The following XRCC4 variants were observed in gnomAD, a reference collection of about 807,000 sequenced individuals.
XRCC4 encodes the protein X-ray repair cross complementing 4, also known as DNA repair protein XRCC4.
XRCC4 carries 28 observed loss-of-function variants against 39.1 expected under a neutral mutation model. That is an observed-to-expected ratio of 0.72 (90% CI 0.53 to 0.98). The LOEUF (loss-of-function observed/expected upper bound fraction) is 0.98, where lower values mean the gene tolerates loss of function less well. XRCC4 is among the 50% of genes least tolerant of loss of function. The pLI, the probability that XRCC4 is intolerant of heterozygous loss-of-function variation, is 0.00. For missense variants in XRCC4, 350 were observed against 376.4 expected, an observed-to-expected ratio of 0.93 and a Z score of 0.58; for synonymous variants, 123 against 126.4, an observed-to-expected ratio of 0.97 and a Z score of 0.18.
intron 7 of XRCC4, among the ~76,000 whole-genome samples, chr5:83,309,296 AAT>A (rs1225850304): frequency 0.095 from 6,823 of 72,038 alleles, 1,071 homozygotes; most frequent in East Asian, 0.15. Context: ...AAAAAAAAAA[AAT>A]ATATATATAT....
intron 7 of XRCC4, chr5:83,310,845 G>A (rs768780467): frequency 6.6e-6 from 3 of 456,578 alleles, no homozygotes; most frequent in South Asian, 3.1e-5. Context: ...CAAAATCAGA[G>A]AGAAAAGATG....
chr5:83,209,083 AGTGTGTGTGTGT>A (rs35019637), intron 6 of XRCC4, among the ~76,000 whole-genome samples: 8 of 143,686 alleles, frequency 5.6e-5, no homozygotes, highest in South Asian at 2.2e-4. Flanking sequence ...CTCCAAAGTG[AGTGTGTGTGTGT>A]GTGTGTGTGT....
chr5:83,244,206 C>T (rs1753016215), intron 6 of XRCC4, among the ~76,000 whole-genome samples: 1 of 146,214 alleles, frequency 6.8e-6, no homozygotes, highest in Non-Finnish European at 1.5e-5. Context: ...TTATGGGTCA[C>T]ATTTTCCTGT....
At chr5:83,268,836 A>T (rs913329044) in intron 7 of XRCC4, among the ~76,000 whole-genome samples, 4 of 152,212 alleles carry the variant, frequency 2.6e-5, no homozygotes, top group Non-Finnish European at 5.9e-5. Flanking sequence ...AGAGAATAAG[A>T]TATGAATTGA....
intron 5 of XRCC4, among the ~76,000 whole-genome samples, chr5:83,204,459 A>C (rs2112731812): frequency 6.6e-6 from 1 of 152,222 alleles, no homozygotes; most frequent in East Asian, 1.9e-4. Context: ...TGCAGAGATC[A>C]AATGAAATGC....
At chr5:83,102,238 AT>A (rs1027228547) in intron 1 of XRCC4, among the ~76,000 whole-genome samples, 5 of 152,086 alleles carry the variant, frequency 3.3e-5, no homozygotes, top group Admixed American at 1.3e-4. Context: ...ACTGTAGAGA[AT>A]TTTGTGGAGA....
At chr5:83,205,063 A>G (rs546001762) in intron 6 of XRCC4, 142 bp downstream of exon 6, 36 of 570,688 alleles carry the variant, frequency 6.3e-5, no homozygotes, top group Non-Finnish European at 8.9e-5. Context: ...TAAAAACTCA[A>G]ATTTTTAATG....
intron 3 of XRCC4, among the ~76,000 whole-genome samples, chr5:83,159,400 A>G (rs1320725359): frequency 6.6e-6 from 1 of 152,164 alleles, no homozygotes; most frequent in Non-Finnish European, 1.5e-5. Context: ...CGATTAAATG[A>G]TATCCATGAA....
In XRCC4 at chr5:83,253,545, A is replaced by AT. The variant is rs1753410059; in HGVS notation, c.746-4984dup. ...GTATTTGAGGGGGCTAGAGATGAGC[A>AT]TATCTGTATGGCGGGGCAAGGGGAA... is the stretch of plus-strand genomic sequence containing the variant. On this transcript the variant is annotated intron_variant, in intron 6 of 7. Transcript: ENST00000396027. 3.3e-5 allele frequency among the ~76,000 whole-genome samples: 5 copies of AT among 151,968 alleles called. No individual in the cohort carries two copies. The South Asian group carries it at 8.3e-4, about 25-fold the overall frequency.
intron 6 of XRCC4, among the ~76,000 whole-genome samples, chr5:83,247,954 A>G (rs1332891952): frequency 6.6e-6 from 1 of 152,138 alleles, no homozygotes; most frequent in East Asian, 1.9e-4. Context: ...CCACTTCTTT[A>G]TACTGCAGTA....
At chr5:83,139,984 T>A (rs923253863) in intron 3 of XRCC4, among the ~76,000 whole-genome samples, 4 of 152,226 alleles carry the variant, frequency 2.6e-5, no homozygotes, top group African/African-American at 9.6e-5. Context: ...GAGTTTACTC[T>A]AGCCTTTCCT....
At position 83,195,830 on chromosome 5, in the gene XRCC4, C is replaced by G; in HGVS notation, c.376C>G (p.Leu126Val). 1 of 1,611,746 alleles carries G rather than the reference C, an allele frequency of 6.2e-7. No homozygotes were observed. The highest frequency in any genetic ancestry group is 8.5e-7 in the Non-Finnish European group (1 of 1,178,600). The stretch of plus-strand genomic sequence containing the variant: ...AAACCCAGCTGAAGTCATTAGAGAA[C>G]TTATTTGTTATTGCTTGGACACCAT... ...VENPAEVIRE[L>V]ICYCLDTIAE... Residue 126 changes from leucine (L) to valine (V), a missense_variant, in exon 4 of 8, where the codon CTT (leucine) becomes GTT (valine). Physicochemically the swap from Leu to Val is conservative, Grantham distance 32. Transcript: ENST00000396027.
intron 7 of XRCC4, among the ~76,000 whole-genome samples, chr5:83,294,041 T>A (rs535818651): frequency 6.6e-6 from 1 of 151,976 alleles, no homozygotes; most frequent in Non-Finnish European, 1.5e-5. Context: ...GTTTGACTTT[T>A]GTTTTTTTTT....
At chr5:83,077,966 A>C (rs2112260458) in intron 1 of XRCC4, 1 of 152,634 alleles carries the variant, frequency 6.6e-6, no homozygotes, top group African/African-American at 2.4e-5. Flanking sequence ...AGGCTGTTTG[A>C]GCATTTCCCC....
At chr5:83,155,992 T>C (rs1748941043) in intron 3 of XRCC4, among the ~76,000 whole-genome samples, 2 of 150,420 alleles carry the variant, frequency 1.3e-5, no homozygotes, top group Non-Finnish European at 3.0e-5. Flanking sequence ...CAGTTCTCTG[T>C]CACAGAGCAA....
chr5:83,175,677 C>T (rs189663965), intron 3 of XRCC4, among the ~76,000 whole-genome samples: 172 of 152,150 alleles, frequency 1.1e-3, no homozygotes, highest in Non-Finnish European at 1.9e-3. Flanking sequence ...GGTGTCATCT[C>T]GGCTTACTGC....
At chr5:83,291,522 C>T (rs1754919528) in intron 7 of XRCC4, among the ~76,000 whole-genome samples, 1 of 151,794 alleles carries the variant, frequency 6.6e-6, no homozygotes, top group Non-Finnish European at 1.5e-5. Context: ...TATTAGTGGA[C>T]TTACATGTAA....
chr5:83,365,625 T>C, the XRCC4 span, among the ~76,000 whole-genome samples: 1 of 152,288 alleles, frequency 6.6e-6, no homozygotes, highest in East Asian at 1.9e-4. Flanking sequence ...TACCATTCAA[T>C]TTTTGGCAGA....
In XRCC4 at chr5:83,251,353, G is replaced by A. The variant is rs150761474; in HGVS notation, c.746-7177G>A. Among the ~76,000 whole-genome samples, 695 of 151,752 alleles carry A rather than the reference G, an allele frequency of 4.6e-3. 2 individuals are homozygous for A. Among genetic ancestry groups the A allele is most frequent in the African/African-American group, 0.016 (662 of 41,430 alleles). On this transcript the variant is annotated intron_variant, in intron 6 of 7. Transcript: ENST00000396027. ...ATCCTGGCTAACATGGTGAAACCCCGTCTCTACTAAAAATACAAAAATTAG... is the reference window on the plus strand; with the variant it reads ...ATCCTGGCTAACATGGTGAAACCCCATCTCTACTAAAAATACAAAAATTAG...
Sources: gnomAD v4.1 joint callset for allele counts (sites outside exome capture counted in the v4.1 genomes callset) on GRCh38, gnomAD v4.1.1 for gene constraint, MANE v1.5 for transcripts, NCBI Gene and HGNC (gene_info 2026-07-23, HGNC 2026-07-21) for gene names.